SNX31: variants seen among roughly 807,000 people sequenced by gnomAD.
The protein encoded by SNX31 is sorting nexin 31, also known as sorting nexin-31.
Under a neutral mutation model 65.4 loss-of-function variants are expected in SNX31, and 58 were observed. That is an observed-to-expected ratio of 0.89 (90% CI 0.72 to 1.10). The LOEUF is 1.10. SNX31 is among the 50% of genes least tolerant of loss of function. The pLI, the probability that SNX31 is intolerant of heterozygous loss-of-function variation, is 0.00. For missense variants in SNX31, 523 were observed against 529.7 expected, an observed-to-expected ratio of 0.99 and a Z score of 0.12; for synonymous variants, 181 against 190.1, an observed-to-expected ratio of 0.95 and a Z score of 0.39.
Position 100,578,690 on chromosome 8 carries a change from TTTTA to T in SNX31, c.1171-1619_1171-1616del. Among the ~76,000 whole-genome samples, 2 of 118,194 alleles carry T rather than the reference TTTTA, an allele frequency of 1.7e-5. No homozygotes were observed. Among genetic ancestry groups the T allele is most frequent in the Admixed American group, 1.0e-4 (1 of 9,860 alleles). 77.5% of individuals were successfully genotyped at this position (118,194 alleles called of 152,430 possible). A position where few individuals can be genotyped will look rare whatever the true frequency, so the allele number is the denominator to read the frequency against. On this transcript the variant is annotated intron_variant, in intron 12 of 13. Transcript: ENST00000311812. This position sits in a 1 kb window ranked among gnomAD's most constrained non-coding sequence, Gnocchi z 4.7. The stretch of plus-strand genomic sequence containing the variant: ...TTAAGCCTATTTCAATGATTTTTTA[TTTTA>T]TTTTATTTTATTTTATTTTATTTTA...
upstream of SNX31, among the ~76,000 whole-genome samples, chr8:100,650,915 C>T (rs866609539): frequency 2.7e-5 from 4 of 149,414 alleles, no homozygotes; most frequent in Admixed American, 6.7e-5. Flanking sequence ...TGCAATGGTG[C>T]GATCTCAGCT....
chr8:100,584,128 C>A lies in SNX31; in HGVS notation c.1153G>T (p.Ala385Ser). The A allele has an allele frequency of 6.2e-7, 1 of 1,604,368 alleles. No individual in the cohort carries two copies. The highest frequency in any genetic ancestry group is 8.5e-7 in the Non-Finnish European group (1 of 1,176,402). The change falls in exon 12 of 14, where the codon GCT becomes TCT. Residue 385 changes from alanine (A) to serine (S), a missense_variant. Coordinates refer to ENST00000311812, the MANE Select transcript of SNX31 (RefSeq NM_152628.4). The stretch of plus-strand genomic sequence containing the variant: ...GCACTCACCATTTCTGTATTCTCAG[C>A]AGCTAGCTTTACCATCTTTTCTGAG... ...MISEKMVKLA[A>S]ENTEMQIEVP...
intron 2 of SNX31, among the ~76,000 whole-genome samples, chr8:100,638,293 C>T (rs962152457): frequency 7.2e-5 from 11 of 152,210 alleles, no homozygotes; most frequent in Non-Finnish European, 1.5e-4. Context: ...CATTAGCCAC[C>T]TGTGAGTAAA....
intron 7 of SNX31, among the ~76,000 whole-genome samples, chr8:100,611,525 A>G (rs1305068499): frequency 2.0e-5 from 3 of 152,056 alleles, no homozygotes; most frequent in Non-Finnish European, 2.9e-5. Context: ...ATATTCAGAA[A>G]CCAGTTTATT....
rs755797985 is a variant in SNX31 at position 100,596,824 on chromosome 8, C to T, written c.793G>A (p.Glu265Lys). 1 of 1,613,544 alleles carries T rather than the reference C, an allele frequency of 6.2e-7. No individual in the cohort carries two copies. The highest frequency in any genetic ancestry group is 1.3e-5 in the African/African-American group (1 of 74,884). The part of the protein sequence containing the change: ...SQTKFLELAR[E>K]VRHYGYLQLD... Reference sequence around the variant, plus strand: ...TGCAGGTATCCATAGTGCCGTACCTCCCGGGCCAGCTCCAAAAACTGCTCC... The same window carrying T: ...TGCAGGTATCCATAGTGCCGTACCTTCCGGGCCAGCTCCAAAAACTGCTCC... The change falls in exon 10 of 14, where the codon GAG (glutamate) becomes AAG (lysine). Residue 265 changes from glutamate to lysine, a missense_variant. Transcript: ENST00000311812.
At position 100,577,062 on chromosome 8, in the gene SNX31, G is replaced by A. The variant is rs144166924; in HGVS notation, c.1184C>T (p.Pro395Leu). The A allele has an allele frequency of 7.4e-6, 12 of 1,613,302 alleles. No individual in the cohort carries two copies. The highest frequency in any genetic ancestry group is 1.1e-5 in the South Asian group (1 of 90,966). Residue 395 changes from proline to leucine, a missense_variant, in exon 13 of 14, where the codon CCG becomes CTG. Transcript: ENST00000311812. ...AENTEMQIEVPEQSKSKKYHI... is the reference protein window; with the variant it reads ...AENTEMQIEVLEQSKSKKYHI... ...GTATTTTTTACTTTTGCTTTGTTCC[G>A]GAACTTCAATCTGCTAGATAGATTA...
chr8:100,625,111 C>A lies in SNX31; in HGVS notation c.321+5216G>T, dbSNP rs1817961496. Among the ~76,000 whole-genome samples the A allele has an allele frequency of 6.6e-6, 1 of 152,116 alleles. No individual in the cohort carries two copies. Among genetic ancestry groups the A allele is most frequent in the Non-Finnish European group, 1.5e-5 (1 of 68,008 alleles). The stretch of plus-strand genomic sequence containing the variant: ...CAGGTGTGAGCCACCACGTTTGGCC[C>A]AGCTGCCATACTTATCTATAATGCA... On this transcript the variant is annotated intron_variant, in intron 4 of 13. Coordinates refer to ENST00000311812, the MANE Select transcript of SNX31 (RefSeq NM_152628.4). The surrounding 1 kb of genome is among the most constrained non-coding windows in gnomAD (Gnocchi z 4.2).
In SNX31 at chr8:100,604,501, G is replaced by A. The variant is rs754592778; in HGVS notation, c.681+3993C>T. ...AGGTCACCAGGCCATAGGGGAGTCA[G>A]GAAGCCAAAGGTCAGCCCCCCTCCA... On this transcript the variant is annotated intron_variant, in intron 8 of 13. Coordinates refer to ENST00000311812, the MANE Select transcript of SNX31 (RefSeq NM_152628.4). The surrounding 1 kb of genome is among the most constrained non-coding windows in gnomAD (Gnocchi z 4.3). 6.6e-6 allele frequency among the ~76,000 whole-genome samples: 1 copy of A among 152,318 alleles called. No individual in the cohort carries two copies. The highest frequency in any genetic ancestry group is 6.5e-5 in the Admixed American group (1 of 15,300).
intron 2 of SNX31, among the ~76,000 whole-genome samples, chr8:100,636,459 T>C (rs1222833406): frequency 1.3e-5 from 2 of 152,194 alleles, no homozygotes; most frequent in Non-Finnish European, 2.9e-5. Context: ...CAGTCACCTG[T>C]TGTGAATGAG....
rs1818468096 is a variant in SNX31 at position 100,632,338 on chromosome 8, T to C, written c.257-1947A>G. ...AGGGAGAGTGAAAATTCAAAAGATATTACATTTTGAACTTGAACTTTGAAA... is the reference window on the plus strand; with the variant it reads ...AGGGAGAGTGAAAATTCAAAAGATACTACATTTTGAACTTGAACTTTGAAA... On this transcript the variant is annotated intron_variant, in intron 3 of 13. Transcript: ENST00000311812. 3.3e-5 allele frequency among the ~76,000 whole-genome samples: 5 copies of C among 152,116 alleles called. No homozygotes were observed. In the South Asian group the frequency reaches 8.3e-4, roughly 25 times the overall value.
chr8:100,599,771 G>A (rs1421757299), intron 9 of SNX31, among the ~76,000 whole-genome samples: 1 of 152,112 alleles, frequency 6.6e-6, no homozygotes, highest in African/African-American at 2.4e-5. Context: ...TTCGCTGCTT[G>A]GGGGCAGGAG....
intron 4 of SNX31, among the ~76,000 whole-genome samples, chr8:100,628,315 T>C (rs1373470782): frequency 6.6e-6 from 1 of 152,064 alleles, no homozygotes; most frequent in Admixed American, 6.6e-5. Context: ...GCACTATTCA[T>C]AATAGCAAAG....
intron 1 of SNX31, among the ~76,000 whole-genome samples, chr8:100,662,297 C>G (rs1007441053): frequency 6.6e-5 from 10 of 152,198 alleles, no homozygotes; most frequent in African/African-American, 2.2e-4. Context: ...CCGGTATTCT[C>G]AACTGTCATG....
intron 1 of SNX31, among the ~76,000 whole-genome samples, chr8:100,659,384 G>C (rs1809740352): frequency 6.6e-6 from 1 of 151,250 alleles, no homozygotes; most frequent in South Asian, 2.1e-4. Context: ...AAAAGCGTGG[G>C]GGGACATCAC....
Position 100,648,335 on chromosome 8 carries a change from T to TTTC in SNX31, c.141+938_141+939insGAA, listed in dbSNP as rs1819786911. ...GTTTTCTCTACACTTTTTTTTTTTTTTTTTTTAATAGAGACAAGGTCTCGG... is the reference window on the plus strand; with the variant it reads ...GTTTTCTCTACACTTTTTTTTTTTTTTTCTTTTTTAATAGAGACAAGGTCTCGG... On this transcript the variant is annotated intron_variant, in intron 2 of 13. Transcript: ENST00000311812. The surrounding 1 kb of genome is among the most constrained non-coding windows in gnomAD (Gnocchi z 4.3). Among the ~76,000 whole-genome samples, 1 of 151,052 alleles carries TTTC rather than the reference T, an allele frequency of 6.6e-6. No homozygotes were observed. Among genetic ancestry groups the TTTC allele is most frequent in the African/African-American group, 2.4e-5 (1 of 41,046 alleles).
chr8:100,644,801 A>C (rs983311520), intron 2 of SNX31, among the ~76,000 whole-genome samples: 2 of 152,150 alleles, frequency 1.3e-5, no homozygotes, highest in Non-Finnish European at 2.9e-5. Flanking sequence ...AGTAGCTGGG[A>C]TTATAGGCAC....
At position 100,596,815 on chromosome 8, in the gene SNX31, GC is replaced by G. The variant is rs138557363; in HGVS notation, c.801del (p.His268ThrfsTer48). On this transcript the variant is annotated frameshift_variant, in exon 10 of 14. Transcript: ENST00000311812. LOFTEE classifies it high-confidence loss of function. ...TKFLELAREVRHYGYLQLDPC... is the reference protein window; with the variant it reads ...TKFLELAREVXHYGYLQLDPC... ...GGATCCAGCTGCAGGTATCCATAGT[GC>G]CGTACCTCCCGGGCCAGCTCCAAAA... is the stretch of plus-strand genomic sequence containing the variant. The G allele has an allele frequency of 3.4e-3, 5,456 of 1,613,890 alleles. 172 individuals are homozygous for G. The African/African-American group carries it at 0.062, about 18-fold the overall frequency.
Position 100,635,883 on chromosome 8 carries a change from C to T in SNX31, c.256+14G>A, listed in dbSNP as rs200322351. On this transcript the variant is annotated intron_variant, in intron 3 of 13. Transcript: ENST00000311812. ...CAATAAATCTGTTTTTTAAAAAACCCTGCAAATACATACCATTTTGCAAAT... is the reference window on the plus strand; with the variant it reads ...CAATAAATCTGTTTTTTAAAAAACCTTGCAAATACATACCATTTTGCAAAT... 28 of 1,584,836 alleles carry T rather than the reference C, an allele frequency of 1.8e-5. No homozygotes were observed. The African/African-American group carries it at 2.2e-4, about 12-fold the overall frequency.
In SNX31 at chr8:100,588,106, G is replaced by A. The variant is rs959200742; in HGVS notation, c.1092+760C>T. Among the ~76,000 whole-genome samples the A allele has an allele frequency of 2.2e-5, 3 of 137,194 alleles. No homozygotes were observed. The highest frequency in any genetic ancestry group is 4.7e-5 in the Non-Finnish European group (3 of 64,070). The allele number at this position is 137,194 out of a possible 152,430, so 90.0% of individuals were successfully genotyped here. On this transcript the variant is annotated intron_variant, in intron 11 of 13. Coordinates refer to ENST00000311812, the MANE Select transcript of SNX31 (RefSeq NM_152628.4). This position sits in a 1 kb window ranked among gnomAD's most constrained non-coding sequence, Gnocchi z 4.8. The stretch of plus-strand genomic sequence containing the variant: ...ATAGAAAAGGTACTACAGGAAAAAG[G>A]TGAAACATTAAAAAAAAACATAAAA...
Sources: allele counts gnomAD v4.1 joint callset (sites outside exome capture counted in the v4.1 genomes callset), GRCh38; gene constraint gnomAD v4.1.1; non-coding constraint Gnocchi (gnomAD v3.1); transcripts MANE v1.5; gene names NCBI Gene and HGNC (gene_info 2026-07-23, HGNC 2026-07-21).